Variants in DGKB observed in about 807,000 individuals in gnomAD.
DGKB encodes 90 kDa diacylglycerol kinase.
DGKB carries 67 observed loss-of-function variants against 114.3 expected under a neutral mutation model. That is an observed-to-expected ratio of 0.59 (90% CI 0.48 to 0.72). DGKB has a LOEUF of 0.72. Among genes scored for constraint, DGKB ranks in the 30% least tolerant of loss-of-function variants. The pLI is 0.00. For missense variants in DGKB, 907 were observed against 975.2 expected, an observed-to-expected ratio of 0.93 and a Z score of 0.93; for synonymous variants, 398 against 323.1, an observed-to-expected ratio of 1.23 and a Z score of -2.49.
At chr7:14,842,164 C>A (rs1305804720) in intron 1 of DGKB, among the ~76,000 whole-genome samples, 1 of 152,198 alleles carries the variant, frequency 6.6e-6, no homozygotes, top group Non-Finnish European at 1.5e-5. Flanking sequence ...GTATTCTTTA[C>A]AGAAAATGAA....
At position 14,364,026 on chromosome 7, in the gene DGKB, C is replaced by T. The variant is rs554873634; in HGVS notation, c.1836-18635G>A. Among the ~76,000 whole-genome samples the T allele has an allele frequency of 2.6e-5, 4 of 152,056 alleles. No homozygotes were observed. In the South Asian group the frequency reaches 6.2e-4, roughly 24 times the overall value. On this transcript the variant is annotated intron_variant, in intron 21 of 25. Coordinates refer to ENST00000402815, the MANE Select transcript of DGKB (RefSeq NM_001350709.2). Reference sequence around the variant, plus strand: ...GGCAAATCAACAAGTTTCTATAGTACAGGTCAGCTCGGTACTGTGTGGCCA... The same window carrying T: ...GGCAAATCAACAAGTTTCTATAGTATAGGTCAGCTCGGTACTGTGTGGCCA...
intron 20 of DGKB, among the ~76,000 whole-genome samples, chr7:14,519,119 C>A (rs1789323874): frequency 6.6e-6 from 1 of 151,970 alleles, no homozygotes; most frequent in Admixed American, 6.6e-5. Flanking sequence ...TCATAAAATT[C>A]ACTCATTGAA....
Position 14,725,280 on chromosome 7 carries a change from T to G in DGKB, c.323-6595A>C, listed in dbSNP as rs532478277. Among the ~76,000 whole-genome samples the G allele has an allele frequency of 1.2e-4, 19 of 152,330 alleles. No individual in the cohort carries two copies. In the East Asian group the frequency reaches 3.7e-3, roughly 29 times the overall value. ...CCAAAATTATTAATGAATTTAAATT[T>G]AAATAGCAGTGGATAGCTAGTGGCT... On this transcript the variant is annotated intron_variant, in intron 5 of 25. Transcript: ENST00000402815.
In DGKB at chr7:14,476,691, G is replaced by A. The variant is rs959108629; in HGVS notation, c.1835+1470C>T. Among the ~76,000 whole-genome samples the A allele has an allele frequency of 4.6e-5, 7 of 151,074 alleles. 1 individual carries two copies. In the East Asian group the frequency reaches 1.2e-3, roughly 25 times the overall value. On this transcript the variant is annotated intron_variant, in intron 21 of 25. Coordinates refer to ENST00000402815, the MANE Select transcript of DGKB (RefSeq NM_001350709.2). ...CATAAGGTCATGATTTATTTGTAGG[G>A]TAAAAAACAAATCAAGGAAATACCC... is the stretch of plus-strand genomic sequence containing the variant.
chr7:14,402,531 G>C (rs1823302291), intron 21 of DGKB, among the ~76,000 whole-genome samples: 1 of 151,754 alleles, frequency 6.6e-6, no homozygotes, highest in African/African-American at 2.4e-5. Flanking sequence ...AGTCAAATTT[G>C]CTACTCTGTT....
At chr7:14,749,158 C>T (rs1250408574) in intron 4 of DGKB, among the ~76,000 whole-genome samples, 1 of 152,058 alleles carries the variant, frequency 6.6e-6, no homozygotes, top group Non-Finnish European at 1.5e-5. Context: ...TTTCAAAATA[C>T]AATTTTTTAT....
chr7:14,313,296 C>A (rs146878186), intron 23 of DGKB, among the ~76,000 whole-genome samples: 27,887 of 152,116 alleles, frequency 0.18, 3,016 homozygotes, highest in Admixed American at 0.24. Context: ...GGAACAGCTC[C>A]GGTCTACAGC....
At chr7:14,190,056 A>G (rs912155970) in intron 23 of DGKB, among the ~76,000 whole-genome samples, 2 of 152,184 alleles carry the variant, frequency 1.3e-5, no homozygotes, top group African/African-American at 2.4e-5. Context: ...TGGACCTAAC[A>G]GACATTTACA....
In DGKB at chr7:14,567,258, ATATATTATATATATAAT is replaced by A. The variant is rs1359201603; in HGVS notation, c.1770+6937_1770+6953del. Among the ~76,000 whole-genome samples, 5 of 50,162 alleles carry A rather than the reference ATATATTATATATATAAT, an allele frequency of 1.0e-4. No individual in the cohort carries two copies. The South Asian group carries it at 1.5e-3, about 15-fold the overall frequency. The allele number at this position is 50,162 out of a possible 152,430, so 32.9% of individuals were successfully genotyped here. On this transcript the variant is annotated intron_variant, in intron 20 of 25. Coordinates refer to ENST00000402815, the MANE Select transcript of DGKB (RefSeq NM_001350709.2). ...ATTATATTATATATATTATATATTTATATATTATATATATAATTATATTATATATATAATATATTTAT... is the reference window on the plus strand; with the variant it reads ...ATTATATTATATATATTATATATTTATATATTATATATATAATATATTTAT...
chr7:14,886,775 A>T (rs74476191), intron 1 of DGKB, among the ~76,000 whole-genome samples: 400 of 151,894 alleles, frequency 2.6e-3, no homozygotes, highest in Non-Finnish European at 4.7e-3. Context: ...ATCCCATCGA[A>T]ACATAAATTA....
intron 2 of DGKB, among the ~76,000 whole-genome samples, chr7:14,766,211 G>A (rs1255122957): frequency 1.3e-5 from 2 of 151,890 alleles, no homozygotes; most frequent in Non-Finnish European, 2.9e-5. Context: ...ATATATCATT[G>A]AACAAAACAG....
intron 14 of DGKB, among the ~76,000 whole-genome samples, chr7:14,627,947 A>AAAC (rs1461174839): frequency 1.6e-4 from 6 of 36,724 alleles, no homozygotes; most frequent in African/African-American, 3.9e-4. Context: ...TGTCTCAAAA[A>AAAC]AACAAAAAAA....
intron 13 of DGKB, among the ~76,000 whole-genome samples, chr7:14,648,582 G>A (rs1438870526): frequency 2.0e-5 from 3 of 152,144 alleles, no homozygotes; most frequent in Non-Finnish European, 4.4e-5. Context: ...CTAAAAAGCA[G>A]AGCGCCTCTC....
chr7:14,480,807 C>G (rs1256200577), intron 20 of DGKB, among the ~76,000 whole-genome samples: 1 of 151,986 alleles, frequency 6.6e-6, no homozygotes, highest in African/African-American at 2.4e-5. Flanking sequence ...TTCAAAGTAC[C>G]TTGGTGGAGA....
chr7:14,695,849 T>C, intron 8 of DGKB, among the ~76,000 whole-genome samples: 1 of 152,114 alleles, frequency 6.6e-6, no homozygotes, highest in East Asian at 1.9e-4. Context: ...AGAAGCCTGC[T>C]GATGTGTACA....
At chr7:14,949,993 C>A (rs1786096111) in intron 1 of DGKB, among the ~76,000 whole-genome samples, 1 of 151,636 alleles carries the variant, frequency 6.6e-6, no homozygotes, top group African/African-American at 2.4e-5. Context: ...AGGAGATATA[C>A]CTAATGTAAA....
intron 2 of DGKB, among the ~76,000 whole-genome samples, chr7:14,808,541 A>G (rs1170290101): frequency 6.6e-6 from 1 of 152,140 alleles, no homozygotes; most frequent in African/African-American, 2.4e-5. Flanking sequence ...GAATAAGGAC[A>G]CTGAACTTGA....
chr7:14,758,743 A>T (rs956963613), intron 2 of DGKB, among the ~76,000 whole-genome samples: 1 of 152,190 alleles, frequency 6.6e-6, no homozygotes, highest in Middle Eastern at 3.2e-3. Context: ...TTAGCTTTTG[A>T]AACATCCTGC....
chr7:14,971,692 T>C (rs115654344), intron 1 of DGKB, among the ~76,000 whole-genome samples: 4,919 of 151,832 alleles, frequency 0.032, 254 homozygotes, highest in African/African-American at 0.11. Context: ...TAGATGAAAA[T>C]CTTTTATTTT....
Sources: gnomAD v4.1 joint callset for allele counts (sites outside exome capture counted in the v4.1 genomes callset) on GRCh38, gnomAD v4.1.1 for gene constraint, MANE v1.5 for transcripts, NCBI Gene and HGNC (gene_info 2026-07-23, HGNC 2026-07-21) for gene names.